The following CAST variants were observed in gnomAD, a reference collection of about 807,000 sequenced individuals.
The protein encoded by CAST is calpastatin.
CAST carries 76 observed loss-of-function variants against 119.6 expected under a neutral mutation model. That is an observed-to-expected ratio of 0.64 (90% CI 0.53 to 0.77). CAST has a LOEUF of 0.77. CAST is among the 30% of genes least tolerant of loss of function. The probability of loss-of-function intolerance (pLI) is 0.00; values close to 1 mark genes in which losing one functional copy is unlikely to be tolerated. For synonymous variants in CAST, 319 were observed against 331.6 expected (o/e 0.96, Z 0.41); for missense variants, 953 against 946.5 (o/e 1.01, Z -0.09).
chr5:96,502,192 C>T, the CAST span, among the ~76,000 whole-genome samples: 4 of 152,182 alleles, frequency 2.6e-5, no homozygotes, highest in East Asian at 3.9e-4. Context: ...CTCTGACTAC[C>T]TTCTCTTCCA....
At chr5:96,615,844 A>T (rs1411716144) in intron 1 of CAST, among the ~76,000 whole-genome samples, 2 of 152,156 alleles carry the variant, frequency 1.3e-5, no homozygotes, top group Non-Finnish European at 2.9e-5. Context: ...TATATATTAG[A>T]GTTTATTAAG....
At chr5:96,739,032 A>T (rs1387399531) in intron 11 of CAST, among the ~76,000 whole-genome samples, 1 of 152,188 alleles carries the variant, frequency 6.6e-6, no homozygotes, top group Admixed American at 6.5e-5. Flanking sequence ...AGAATAAAAA[A>T]CAGAAAAAGA....
the CAST span, among the ~76,000 whole-genome samples, chr5:96,198,860 A>G: frequency 6.6e-6 from 1 of 152,202 alleles, no homozygotes; most frequent in South Asian, 2.1e-4. Context: ...GTTTTTCAGG[A>G]TATTACATCA....
chr5:96,368,516 C>A, the CAST span, among the ~76,000 whole-genome samples: 1,179 of 142,400 alleles, frequency 8.3e-3, 10 homozygotes, highest in African/African-American at 0.026. Flanking sequence ...AAAAAAAAAA[C>A]AAAAAAACCT....
chr5:96,197,660 T>A, the CAST span, among the ~76,000 whole-genome samples: 1 of 152,158 alleles, frequency 6.6e-6, no homozygotes. Flanking sequence ...GTTGTAGGTA[T>A]CTTCAAACTG....
upstream of CAST, among the ~76,000 whole-genome samples, chr5:96,522,862 G>A (rs12519858): frequency 0.06 from 9,087 of 152,256 alleles, 732 homozygotes; most frequent in East Asian, 0.29. Context: ...GGAGCCTCCC[G>A]ACATGGAAGT....
At chr5:96,721,424 A>G (rs1015039767) in intron 3 of CAST, among the ~76,000 whole-genome samples, 5 of 152,146 alleles carry the variant, frequency 3.3e-5, no homozygotes, top group Non-Finnish European at 5.9e-5. Context: ...GGTTTCATAC[A>G]ATCACCTTGA....
the CAST span, among the ~76,000 whole-genome samples, chr5:96,385,966 T>C: frequency 6.6e-6 from 1 of 152,252 alleles, no homozygotes; most frequent in South Asian, 2.1e-4. Flanking sequence ...TACTCCTTGC[T>C]ATCTGCATGA....
At chr5:96,089,887 C>T in the CAST span, among the ~76,000 whole-genome samples, 16 of 152,138 alleles carry the variant, frequency 1.1e-4, no homozygotes, top group East Asian at 9.7e-4. Flanking sequence ...TCTTCTCATT[C>T]GTATTTCTTC....
At chr5:96,415,996 T>C in the CAST span, 2 of 1,332,562 alleles carry the variant, frequency 1.5e-6, no homozygotes, top group African/African-American at 1.4e-5. Flanking sequence ...AGCTTCACAT[T>C]AAAATGCCAA....
At chr5:96,182,851 G>A in the CAST span, among the ~76,000 whole-genome samples, 3 of 152,068 alleles carry the variant, frequency 2.0e-5, no homozygotes, top group Non-Finnish European at 4.4e-5. Flanking sequence ...ATAATACAAG[G>A]TTTCTGGCCG....
At chr5:96,434,631 G>T in the CAST span, among the ~76,000 whole-genome samples, 29,190 of 148,374 alleles carry the variant, frequency 0.2, 3,217 homozygotes, top group East Asian at 0.29. Flanking sequence ...TGTTGTTGTT[G>T]TTGTTTTTTA....
At chr5:96,096,824 A>T in the CAST span, among the ~76,000 whole-genome samples, 2 of 151,926 alleles carry the variant, frequency 1.3e-5, no homozygotes, top group African/African-American at 2.4e-5. Context: ...TGAAGTGACA[A>T]CCCCACACTA....
chr5:96,114,348 T>G, the CAST span, among the ~76,000 whole-genome samples: 1 of 152,274 alleles, frequency 6.6e-6, no homozygotes, highest in East Asian at 1.9e-4. Flanking sequence ...CAGAATCTGA[T>G]TCTTAAAAGG....
At chr5:96,110,112 T>C in the CAST span, among the ~76,000 whole-genome samples, 4 of 152,148 alleles carry the variant, frequency 2.6e-5, no homozygotes, top group Non-Finnish European at 5.9e-5. Context: ...AAACTCTCCA[T>C]ACATTAGAGA....
the CAST span, among the ~76,000 whole-genome samples, chr5:96,002,680 T>C: frequency 1.3e-5 from 2 of 152,096 alleles, no homozygotes; most frequent in Admixed American, 6.5e-5. Context: ...CATGCCCACA[T>C]GGAGTGAATG....
the CAST span, among the ~76,000 whole-genome samples, chr5:96,492,051 C>T: frequency 6.6e-6 from 1 of 152,204 alleles, no homozygotes; most frequent in Non-Finnish European, 1.5e-5. Context: ...GTTTCTTGAC[C>T]TAGGAGTTAG....
chr5:96,119,767 G>A, the CAST span, among the ~76,000 whole-genome samples: 7 of 152,150 alleles, frequency 4.6e-5, no homozygotes, highest in African/African-American at 1.2e-4. Context: ...AGAGGAAGGT[G>A]TAGTAGATAT....
the CAST span, among the ~76,000 whole-genome samples, chr5:96,397,798 AG>A: frequency 7.3e-6 from 1 of 136,964 alleles, no homozygotes; most frequent in African/African-American, 3.4e-5. Context: ...AAATTGAATT[AG>A]AGAGTCAAAA....
Sources: allele counts gnomAD v4.1 joint callset (sites outside exome capture counted in the v4.1 genomes callset), GRCh38; gene constraint gnomAD v4.1.1; transcripts MANE v1.5; gene names NCBI Gene and HGNC (gene_info 2026-07-23, HGNC 2026-07-21).